Variants in GABRB3 observed in about 807,000 individuals in gnomAD.
GABRB3 encodes the protein gamma-aminobutyric acid type A receptor subunit beta3.
GABRB3 carries 14 observed loss-of-function variants against 52.1 expected under a neutral mutation model. The observed-to-expected ratio is 0.27, with a 90% CI of 0.18 to 0.42. GABRB3 has a LOEUF of 0.42. GABRB3 is among the 10% of genes least tolerant of loss of function. The pLI, the probability that GABRB3 is intolerant of heterozygous loss-of-function variation, is 1.00. For synonymous variants in GABRB3, 260 were observed against 232.3 expected (o/e 1.12, Z -1.08); for missense variants, 307 against 609.1 (o/e 0.50, Z 5.22).
At chr15:26,612,322 G>GT (rs1241373095) in intron 4 of GABRB3, 3 of 152,154 alleles carry the variant, frequency 2.0e-5, no homozygotes, top group East Asian at 1.9e-4. Flanking sequence ...CAATATGATT[G>GT]TAAGACTAAA....
At chr15:26,750,202 A>T (rs1214560812) in intron 3 of GABRB3, 1 of 152,228 alleles carries the variant, frequency 6.6e-6, no homozygotes, top group Non-Finnish European at 1.5e-5. Flanking sequence ...GCTATACATT[A>T]GCAACTCTAG....
intron 3 of GABRB3, among the ~76,000 whole-genome samples, chr15:26,704,865 G>A (rs962880933): frequency 1.5e-4 from 23 of 152,090 alleles, no homozygotes; most frequent in Admixed American, 7.2e-4. Flanking sequence ...TAAGGAGAAT[G>A]AGGCTTTCCC....
At chr15:26,668,289 G>A (rs1887777722) in intron 3 of GABRB3, among the ~76,000 whole-genome samples, 2 of 152,162 alleles carry the variant, frequency 1.3e-5, no homozygotes, top group Admixed American at 1.3e-4. Context: ...GGTAAATAGT[G>A]TTAGCTATTT....
chr15:26,635,308 T>G (rs1893029037), intron 3 of GABRB3, among the ~76,000 whole-genome samples: 1 of 151,864 alleles, frequency 6.6e-6, no homozygotes, highest in African/African-American at 2.4e-5. Flanking sequence ...CTGTGAGACG[T>G]GTATCAGGCT....
chr15:26,645,851 C>T (rs976444236), intron 3 of GABRB3, among the ~76,000 whole-genome samples: 1 of 152,068 alleles, frequency 6.6e-6, no homozygotes, highest in Non-Finnish European at 1.5e-5. Context: ...ACTACAGCCT[C>T]AAACTTCTGG....
At chr15:26,615,643 G>A (rs927299424) in intron 4 of GABRB3, 51 of 660,492 alleles carry the variant, frequency 7.7e-5, no homozygotes, top group African/African-American at 7.0e-4. Context: ...ACAAACCTAC[G>A]TCACGGACAG....
chr15:26,757,457 T>A (rs140084763), intron 3 of GABRB3, among the ~76,000 whole-genome samples: 5 of 152,262 alleles, frequency 3.3e-5, no homozygotes, highest in Admixed American at 3.3e-4. Context: ...GACTTATGAG[T>A]GTCACAAGTC....
chr15:26,676,002 T>C (rs1888057065), intron 3 of GABRB3, among the ~76,000 whole-genome samples: 1 of 151,900 alleles, frequency 6.6e-6, no homozygotes, highest in African/African-American at 2.4e-5. Context: ...CTGATTAGAG[T>C]TTGGTCAAGG....
At chr15:26,550,489 A>T (rs908979415) in intron 8 of GABRB3, among the ~76,000 whole-genome samples, 1 of 152,234 alleles carries the variant, frequency 6.6e-6, no homozygotes, top group African/African-American at 2.4e-5. Flanking sequence ...AGACAAAAAT[A>T]ACAGGTGCTG....
intron 3 of GABRB3, among the ~76,000 whole-genome samples, chr15:26,757,230 T>C (rs1890687941): frequency 6.6e-6 from 1 of 152,286 alleles, no homozygotes; most frequent in Admixed American, 6.5e-5. Flanking sequence ...TCTAGTCTGC[T>C]GTGGACTAAG....
At chr15:26,610,452 G>C (rs1489923870) in intron 4 of GABRB3, among the ~76,000 whole-genome samples, 2 of 152,172 alleles carry the variant, frequency 1.3e-5, no homozygotes, top group Non-Finnish European at 2.9e-5. Context: ...TGTTGCAGCA[G>C]GTGGATTGTG....
At chr15:26,628,879 C>T (rs1359771894) in intron 3 of GABRB3, 1 of 1,265,216 alleles carries the variant, frequency 7.9e-7, no homozygotes, top group African/African-American at 1.5e-5. Flanking sequence ...CGGAGGCTCT[C>T]AGGCCTTGGA....
intron 3 of GABRB3, among the ~76,000 whole-genome samples, chr15:26,751,626 C>T (rs1412079490): frequency 6.6e-6 from 1 of 151,874 alleles, no homozygotes; most frequent in Non-Finnish European, 1.5e-5. Context: ...ATGTCTAACT[C>T]ATTAGTATTT....
intron 4 of GABRB3, among the ~76,000 whole-genome samples, chr15:26,611,076 T>C (rs764983861): frequency 1.3e-4 from 20 of 152,188 alleles, no homozygotes; most frequent in Non-Finnish European, 2.8e-4. Context: ...GGTTCTTACA[T>C]AGGTGAACAC....
At position 26,716,890 on chromosome 15, in the gene GABRB3, GA is replaced by G. The variant is rs1566816923; in HGVS notation, c.240+55511del. 13 of 801,378 alleles carry G rather than the reference GA, an allele frequency of 1.6e-5. No homozygotes were observed. In the East Asian group the frequency reaches 6.8e-4, roughly 42 times the overall value. The allele number at this position is 801,378 out of a possible 1,614,324, so 49.6% of individuals were successfully genotyped here. On this transcript the variant is annotated intron_variant, in intron 3 of 8. Coordinates refer to ENST00000311550, the MANE Select transcript of GABRB3 (RefSeq NM_000814.6). ...CTCCACCCAACCACAGCCCAGCTCT[GA>G]GGACCTCCACCCAACCACAGCCTAG...
chr15:26,598,931 A>G (rs1891488747), intron 4 of GABRB3, among the ~76,000 whole-genome samples: 1 of 152,222 alleles, frequency 6.6e-6, no homozygotes. Context: ...AGTTTAACCT[A>G]GCTCGAGTTT....
chr15:26,567,457 T>C, intron 7 of GABRB3, 124 bp downstream of exon 7: 1 of 853,280 alleles, frequency 1.2e-6, no homozygotes, highest in Non-Finnish European at 1.9e-6. Flanking sequence ...AAAAAGTGAC[T>C]ATACAGGCAA....
chr15:26,770,312 A>AT (rs1447224863), intron 3 of GABRB3, among the ~76,000 whole-genome samples: 1 of 152,220 alleles, frequency 6.6e-6, no homozygotes, highest in Non-Finnish European at 1.5e-5. Context: ...AATTACTGTC[A>AT]TAAGAATGCA....
At chr15:26,696,916 C>G (rs532417890) in intron 3 of GABRB3, among the ~76,000 whole-genome samples, 70 of 152,310 alleles carry the variant, frequency 4.6e-4, no homozygotes, top group African/African-American at 1.6e-3. Context: ...CAATATTGCA[C>G]CCCGACAATG....
Sources: allele counts gnomAD v4.1 joint callset (sites outside exome capture counted in the v4.1 genomes callset), GRCh38; gene constraint gnomAD v4.1.1; transcripts MANE v1.5; gene names NCBI Gene and HGNC (gene_info 2026-07-23, HGNC 2026-07-21).